GPM6A: variants seen among roughly 807,000 people sequenced by gnomAD.
The protein encoded by GPM6A is glycoprotein M6A.
GPM6A carries 7 observed loss-of-function variants against 32.1 expected under a neutral mutation model. The observed-to-expected ratio is 0.22, with a 90% CI of 0.12 to 0.41. The LOEUF (loss-of-function observed/expected upper bound fraction) is 0.41, where lower values mean the gene tolerates loss of function less well. Among genes scored for constraint, GPM6A ranks in the 10% least tolerant of loss-of-function variants. The pLI, the probability that GPM6A is intolerant of heterozygous loss-of-function variation, is 1.00. For synonymous variants in GPM6A, 130 were observed against 123.4 expected (o/e 1.05, Z -0.35); for missense variants, 235 against 347.2 (o/e 0.68, Z 2.57).
rs2581755 is a variant in GPM6A at position 175,746,341 on chromosome 4, G to A, written c.38-44574C>T. On this transcript the variant is annotated intron_variant, in intron 1 of 6. Transcript: ENST00000393658. ...GTTTTGTTAATTCTGTAGTAAAAAA[G>A]TATTAACAGTTATGATGTTAACTTC... Among the ~76,000 whole-genome samples, 1,099 of 152,236 alleles carry A rather than the reference G, an allele frequency of 7.2e-3. 10 individuals are homozygous for A. Among genetic ancestry groups the A allele is most frequent in the African/African-American group, 0.025 (1,046 of 41,524 alleles).
intron 2 of GPM6A, among the ~76,000 whole-genome samples, chr4:175,675,489 C>T (rs1166370306): frequency 2.0e-5 from 3 of 151,994 alleles, no homozygotes; most frequent in Admixed American, 2.0e-4. Context: ...TATATAAGTA[C>T]TTGTTGATGT....
chr4:175,932,463 A>C (rs1739083567), intron 1 of GPM6A, among the ~76,000 whole-genome samples: 1 of 152,214 alleles, frequency 6.6e-6, no homozygotes, highest in Non-Finnish European at 1.5e-5. Flanking sequence ...CGGACTTTCC[A>C]TCCTCCGTTA....
chr4:175,668,515 G>A (rs1193463177), intron 3 of GPM6A, among the ~76,000 whole-genome samples: 2 of 148,430 alleles, frequency 1.3e-5, no homozygotes, highest in African/African-American at 2.4e-5. Flanking sequence ...GGATTCAAAC[G>A]TTTATGTGTG....
chr4:175,658,107 T>C (rs1742189899), intron 3 of GPM6A, among the ~76,000 whole-genome samples: 1 of 152,174 alleles, frequency 6.6e-6, no homozygotes, highest in African/African-American at 2.4e-5. Flanking sequence ...TCTTTTTAAG[T>C]GATTTGTTAC....
Position 175,673,660 on chromosome 4 carries a change from A to T in GPM6A, c.387+20T>A, listed in dbSNP as rs533890291. 5.1e-6 allele frequency: 8 copies of T among 1,564,878 alleles called. No individual in the cohort carries two copies. In the South Asian group the frequency reaches 9.3e-5, roughly 18 times the overall value. The stretch of plus-strand genomic sequence containing the variant: ...TGAAATCAATCCACATTAAATACTG[A>T]ATGTAGAGAACTAACATACCCAAGC... On this transcript the variant is annotated intron_variant, in intron 3 of 6. Transcript: ENST00000393658.
intron 1 of GPM6A, among the ~76,000 whole-genome samples, chr4:175,915,289 T>C (rs1236078061): frequency 1.8e-5 from 1 of 55,636 alleles, no homozygotes; most frequent in East Asian, 5.6e-4. Flanking sequence ...TTAAAAAGGA[T>C]TTTTTTTTTT....
At chr4:175,759,036 T>C (rs1200942818) in intron 1 of GPM6A, among the ~76,000 whole-genome samples, 3 of 152,160 alleles carry the variant, frequency 2.0e-5, no homozygotes, top group East Asian at 3.8e-4. Flanking sequence ...AAAAACAATA[T>C]TGTGCAAAAT....
intron 1 of GPM6A, among the ~76,000 whole-genome samples, chr4:175,885,335 G>A (rs1418053262): frequency 6.6e-6 from 1 of 152,222 alleles, no homozygotes; most frequent in African/African-American, 2.4e-5. Context: ...AATTGATGCA[G>A]ATAGGAATAG....
At chr4:175,644,072 CT>C (rs1473446563) in intron 4 of GPM6A, among the ~76,000 whole-genome samples, 1 of 150,874 alleles carries the variant, frequency 6.6e-6, no homozygotes, top group Non-Finnish European at 1.5e-5. Flanking sequence ...CCGCTTGGCC[CT>C]TTTCCAACTC....
intron 2 of GPM6A, among the ~76,000 whole-genome samples, chr4:175,692,277 A>C (rs1744343255): frequency 6.6e-6 from 1 of 152,194 alleles, no homozygotes; most frequent in African/African-American, 2.4e-5. Context: ...ATTAATGTAC[A>C]TATGGTCAAA....
At chr4:175,905,112 G>A (rs911939382) in intron 1 of GPM6A, among the ~76,000 whole-genome samples, 1 of 152,188 alleles carries the variant, frequency 6.6e-6, no homozygotes, top group Admixed American at 6.6e-5. Context: ...GCAACAAACT[G>A]TGGAAGTGAC....
At chr4:175,713,938 T>C (rs1220806202) in intron 1 of GPM6A, among the ~76,000 whole-genome samples, 1 of 152,222 alleles carries the variant, frequency 6.6e-6, no homozygotes, top group Non-Finnish European at 1.5e-5. Context: ...TTGTTCTACT[T>C]TGTCATAGAT....
intron 1 of GPM6A, among the ~76,000 whole-genome samples, chr4:175,789,561 G>A (rs1376189351): frequency 6.6e-6 from 1 of 152,110 alleles, no homozygotes; most frequent in East Asian, 1.9e-4. Context: ...TGAGGTATGA[G>A]AAATCAGGGA....
At chr4:175,701,495 A>T (rs1744877133) in intron 2 of GPM6A, 80 bp downstream of exon 2, 1 of 969,544 alleles carries the variant, frequency 1.0e-6, no homozygotes, top group African/African-American at 1.6e-5. Flanking sequence ...ACCTCATCTA[A>T]CTGTAGGCCC....
At chr4:175,988,998 T>C (rs7682385) in intron 1 of GPM6A, among the ~76,000 whole-genome samples, 19,126 of 152,122 alleles carry the variant, frequency 0.13, 1,302 homozygotes, top group East Asian at 0.24. Context: ...AACAGCTACT[T>C]GTACCCCAAT....
intron 1 of GPM6A, among the ~76,000 whole-genome samples, chr4:175,715,165 C>A (rs1313144184): frequency 2.0e-5 from 3 of 152,136 alleles, no homozygotes; most frequent in African/African-American, 4.8e-5. Context: ...ACATGATTTG[C>A]TCTCTCACAA....
chr4:175,637,884 A>ATT lies in GPM6A; in HGVS notation c.684+2243_684+2244dup, dbSNP rs1026134010. Among the ~76,000 whole-genome samples, 6 of 114,888 alleles carry ATT rather than the reference A, an allele frequency of 5.2e-5. 1 individual carries two copies. The highest frequency in any genetic ancestry group is 2.2e-4 in the South Asian group (1 of 4,538). 75.4% of individuals were successfully genotyped at this position (114,888 alleles called of 152,430 possible). A position where few individuals can be genotyped will look rare whatever the true frequency, so the allele number is the denominator to read the frequency against. Reference sequence around the variant, plus strand: ...ATCTATTTATATATAATATTTATATATTATATATATATATATACATATATG... The same window carrying ATT: ...ATCTATTTATATATAATATTTATATATTTTATATATATATATATACATATATG... On this transcript the variant is annotated intron_variant, in intron 6 of 6. Coordinates refer to ENST00000393658, the MANE Select transcript of GPM6A (RefSeq NM_201591.3).
In GPM6A at chr4:175,633,376, T is replaced by C. The variant is rs1285501942; in HGVS notation, c.*1529A>G. 1.3e-5 allele frequency: 2 copies of C among 152,476 alleles called. No homozygotes were observed. Among genetic ancestry groups the C allele is most frequent in the African/African-American group, 4.8e-5 (2 of 41,432 alleles). The allele number at this position is 152,476 out of a possible 1,614,324, so 9.4% of individuals were successfully genotyped here. On this transcript the variant is annotated 3_prime_UTR_variant, in exon 7 of 7. Transcript: ENST00000393658. ...ATAATCATGCCACAGATATCCCTAG[T>C]AGTACCCCCTACCTACTACAAGAAC...
intron 1 of GPM6A, among the ~76,000 whole-genome samples, chr4:175,747,156 G>A (rs1732137804): frequency 6.6e-6 from 1 of 151,384 alleles, no homozygotes; most frequent in Non-Finnish European, 1.5e-5. Context: ...TGTAATCCCA[G>A]CTACTTGGGA....
Sources: gnomAD v4.1 joint callset for allele counts (sites outside exome capture counted in the v4.1 genomes callset) on GRCh38, gnomAD v4.1.1 for gene constraint, MANE v1.5 for transcripts, NCBI Gene and HGNC (gene_info 2026-07-23, HGNC 2026-07-21) for gene names.